The following ZFHX3 variants were observed in gnomAD, a reference collection of about 807,000 sequenced individuals.
ZFHX3 encodes the protein zinc finger homeobox protein 3.
In ZFHX3, 42 loss-of-function variants were observed where a neutral mutation model predicts 279.1. The ratio of observed to expected loss-of-function variants is 0.15; its 90% confidence interval spans 0.12 to 0.19. ZFHX3 has a LOEUF of 0.19. ZFHX3 is among the 10% of genes least tolerant of loss of function. ZFHX3 has a pLI of 1.00. For missense variants in ZFHX3, 4,981 were observed against 4,754.0 expected, an observed-to-expected ratio of 1.05 and a Z score of -1.40; for synonymous variants, 2,293 against 1,957.8, an observed-to-expected ratio of 1.17 and a Z score of -4.52.
chr16:73,170,399 T>A (rs1383257306), intron 5 of ZFHX3, among the ~76,000 whole-genome samples: 1 of 151,648 alleles, frequency 6.6e-6, no homozygotes, highest in African/African-American at 2.4e-5. Flanking sequence ...CCCAGCTAAT[T>A]TGTTTATTTT....
chr16:72,938,505 C>T (rs541489001), intron 3 of ZFHX3, among the ~76,000 whole-genome samples: 1 of 152,290 alleles, frequency 6.6e-6, no homozygotes, highest in Middle Eastern at 3.4e-3. Context: ...AATGTGTTTG[C>T]GGGAGGCAGC....
chr16:73,419,176 T>C (rs1049095079), intron 3 of ZFHX3, among the ~76,000 whole-genome samples: 1 of 152,170 alleles, frequency 6.6e-6, no homozygotes, highest in African/African-American at 2.4e-5. Flanking sequence ...GACCGGCTAA[T>C]GAAGGAAAGA....
intron 1 of ZFHX3, among the ~76,000 whole-genome samples, chr16:72,991,424 T>C (rs1243644293): frequency 1.3e-5 from 2 of 152,176 alleles, no homozygotes; most frequent in Non-Finnish European, 2.9e-5. Flanking sequence ...TGCTCTGAGC[T>C]GGCATCCCAG....
intron 4 of ZFHX3, among the ~76,000 whole-genome samples, chr16:72,842,224 TTTTC>T (rs985943655): frequency 2.0e-5 from 3 of 152,148 alleles, no homozygotes; most frequent in Admixed American, 1.3e-4. Flanking sequence ...TTTTTTTCTT[TTTTC>T]TTTTTTTGAG....
chr16:73,676,088 A>G (rs922700214), intron 2 of ZFHX3, among the ~76,000 whole-genome samples: 2 of 152,126 alleles, frequency 1.3e-5, no homozygotes, highest in Non-Finnish European at 2.9e-5. Flanking sequence ...GAACTCAAAA[A>G]TAATAAGGAA....
intron 1 of ZFHX3, among the ~76,000 whole-genome samples, chr16:73,772,851 A>C (rs1273192593): frequency 2.0e-5 from 3 of 152,208 alleles, no homozygotes; most frequent in Non-Finnish European, 4.4e-5. Flanking sequence ...TGTTCTTAGA[A>C]AATTCTTGCT....
intron 5 of ZFHX3, among the ~76,000 whole-genome samples, chr16:73,241,790 CAA>C (rs60214410): frequency 7.9e-3 from 404 of 51,236 alleles, no homozygotes; most frequent in Non-Finnish European, 9.2e-3. Flanking sequence ...AACTCCGTCT[CAA>C]AAAAAAAAAA....
chr16:73,070,386 C>A (rs1721074175), intron 8 of ZFHX3, among the ~76,000 whole-genome samples: 1 of 152,170 alleles, frequency 6.6e-6, no homozygotes. Flanking sequence ...CTCATAGCAT[C>A]TGAGCTTAGA....
chr16:73,318,749 C>T (rs1293532992), intron 3 of ZFHX3, among the ~76,000 whole-genome samples: 2 of 152,142 alleles, frequency 1.3e-5, no homozygotes, highest in East Asian at 1.9e-4. Context: ...AGTAAACTAA[C>T]GGTATAATAT....
At chr16:73,233,423 A>G (rs905833574) in intron 5 of ZFHX3, among the ~76,000 whole-genome samples, 1 of 152,212 alleles carries the variant, frequency 6.6e-6, no homozygotes, top group Non-Finnish European at 1.5e-5. Context: ...TCAGTTTATT[A>G]AAAGCAACCC....
At chr16:73,182,659 A>G (rs748318353) in intron 5 of ZFHX3, among the ~76,000 whole-genome samples, 3 of 152,224 alleles carry the variant, frequency 2.0e-5, no homozygotes, top group Non-Finnish European at 4.4e-5. Flanking sequence ...CCAATGAAGA[A>G]CTGGATAAAG....
At chr16:73,530,613 C>T (rs1357756565) in intron 2 of ZFHX3, among the ~76,000 whole-genome samples, 1 of 152,080 alleles carries the variant, frequency 6.6e-6, no homozygotes, top group Non-Finnish European at 1.5e-5. Flanking sequence ...TTTTAAGGAG[C>T]AAGATTCTAC....
At chr16:73,056,765 C>A (rs1223648697) in intron 1 of ZFHX3, among the ~76,000 whole-genome samples, 1 of 152,160 alleles carries the variant, frequency 6.6e-6, no homozygotes, top group Non-Finnish European at 1.5e-5. Flanking sequence ...GCACGCTGCC[C>A]TATTGATTAT....
intron 1 of ZFHX3, among the ~76,000 whole-genome samples, chr16:73,775,448 G>C (rs1200709935): frequency 2.6e-5 from 4 of 152,106 alleles, no homozygotes; most frequent in African/African-American, 9.7e-5. Context: ...TCTATCAGCT[G>C]CAGCACGATA....
chr16:73,384,246 T>C (rs1318132275), intron 3 of ZFHX3, among the ~76,000 whole-genome samples: 2 of 152,240 alleles, frequency 1.3e-5, no homozygotes, highest in Non-Finnish European at 1.5e-5. Flanking sequence ...ATATAGTCTA[T>C]GGGCTGTTTT....
In ZFHX3 at chr16:72,796,271, A is replaced by T; in HGVS notation, c.6411T>A (p.Asn2137Lys). ...TGTTCTGCTGCTGGAGCAGGGTTGG[A>T]TTGAGCTGATGCTGGTAGAGTTGGG... Reference protein sequence around the residue: ...DLAQLYQHQLNPTLLQQQNKR... With the variant: ...DLAQLYQHQLKPTLLQQQNKR... The change falls in exon 9 of 10, where the codon AAT becomes AAA. Residue 2137 changes from asparagine to lysine, a missense_variant. This residue lies in a region of ZFHX3 where 1,751 missense variants were observed against 1,770.0 expected (regional missense o/e 0.99). Transcript: ENST00000268489. 6.2e-7 allele frequency: 1 copy of T among 1,613,904 alleles called. No individual in the cohort carries two copies. The highest frequency in any genetic ancestry group is 8.5e-7 in the Non-Finnish European group (1 of 1,179,966).
chr16:73,485,517 G>A (rs1349317376), intron 2 of ZFHX3, among the ~76,000 whole-genome samples: 3 of 151,894 alleles, frequency 2.0e-5, no homozygotes, highest in Non-Finnish European at 4.4e-5. Flanking sequence ...TACCATTTGG[G>A]GACTGTGTTT....
At chr16:73,641,576 G>C (rs2052573320) in intron 2 of ZFHX3, among the ~76,000 whole-genome samples, 1 of 152,136 alleles carries the variant, frequency 6.6e-6, no homozygotes, top group Non-Finnish European at 1.5e-5. Flanking sequence ...AGCATAAACA[G>C]CAAAAAGATA....
chr16:73,672,879 A>G (rs1189041016), intron 2 of ZFHX3, among the ~76,000 whole-genome samples: 1 of 152,196 alleles, frequency 6.6e-6, no homozygotes, highest in Non-Finnish European at 1.5e-5. Flanking sequence ...CATTATTTTT[A>G]TTAGATAGAT....
Sources: gnomAD v4.1 joint callset for allele counts (sites outside exome capture counted in the v4.1 genomes callset) on GRCh38, gnomAD v4.1.1 for gene constraint, gnomAD v4.1.1 regional missense constraint, MANE v1.5 for transcripts, NCBI Gene and HGNC (gene_info 2026-07-23, HGNC 2026-07-21) for gene names.